Variants in SEMA3D observed in about 807,000 individuals in gnomAD.
SEMA3D encodes semaphorin-3D.
In SEMA3D, 84 loss-of-function variants were observed where a neutral mutation model predicts 100.1. That is an observed-to-expected ratio of 0.84 (90% CI 0.70 to 1.01). SEMA3D has a LOEUF of 1.01. SEMA3D is among the 50% of genes least tolerant of loss of function. SEMA3D has a pLI of 0.00. For synonymous variants in SEMA3D, 312 were observed against 320.7 expected, an observed-to-expected ratio of 0.97 and a Z score of 0.29; for missense variants, 875 against 934.1, an observed-to-expected ratio of 0.94 and a Z score of 0.82.
upstream of SEMA3D, among the ~76,000 whole-genome samples, chr7:85,188,810 T>C (rs1050200570): frequency 1.3e-5 from 2 of 152,204 alleles, no homozygotes; most frequent in African/African-American, 2.4e-5. Flanking sequence ...ATACTTTCCA[T>C]AAAGCCCTTA....
Position 84,997,258 on chromosome 7 carries a change from A to C in SEMA3D, c.*2182T>G, listed in dbSNP as rs10244778. ...CACTTGAGCTTCATGTAAATTTTCC[A>C]AAGTCATTCATATTTTGATCATTAC... On this transcript the variant is annotated 3_prime_UTR_variant, in exon 19 of 19. Transcript: ENST00000284136. 3.8e-4 allele frequency: 58 copies of C among 152,180 alleles called. No homozygotes were observed. Among genetic ancestry groups the C allele is most frequent in the African/African-American group, 1.3e-3 (55 of 41,572 alleles). 9.4% of individuals were successfully genotyped at this position (152,180 alleles called of 1,614,324 possible).
intron 4 of SEMA3D, among the ~76,000 whole-genome samples, chr7:85,084,829 C>T (rs921918746): frequency 2.0e-5 from 3 of 152,160 alleles, no homozygotes; most frequent in Admixed American, 2.0e-4. Context: ...GTATTCTCAT[C>T]AGTTAGCTCC....
rs1789561701 is a variant in SEMA3D, at chr7:84,998,426, AGTTT to A, written c.*1010_*1013del. ...TTATGTTTCCTCAGATTTTGCTAGC[AGTTT>A]GTTATAATCTAGATTTTTTTTAACA... On this transcript the variant is annotated 3_prime_UTR_variant, in exon 19 of 19. Transcript: ENST00000284136. 6.6e-6 allele frequency: 1 copy of A among 152,144 alleles called. No homozygotes were observed. The highest frequency in any genetic ancestry group is 1.5e-5 in the Non-Finnish European group (1 of 67,998). The allele number at this position is 152,144 out of a possible 1,614,324, so 9.4% of individuals were successfully genotyped here.
At chr7:85,051,612 CA>C (rs1438289657) in intron 9 of SEMA3D, among the ~76,000 whole-genome samples, 2 of 151,886 alleles carry the variant, frequency 1.3e-5, no homozygotes, top group African/African-American at 2.4e-5. Context: ...CAAGATCTGC[CA>C]GTGTACTGCT....
At chr7:85,070,598 A>G (rs1430821049) in intron 6 of SEMA3D, among the ~76,000 whole-genome samples, 1 of 152,174 alleles carries the variant, frequency 6.6e-6, no homozygotes, top group East Asian at 1.9e-4. Flanking sequence ...ACAATTTTCA[A>G]GCAGGGCTGC....
chr7:85,019,190 C>T (rs887658877), intron 14 of SEMA3D, among the ~76,000 whole-genome samples: 2 of 151,684 alleles, frequency 1.3e-5, no homozygotes, highest in African/African-American at 4.8e-5. Flanking sequence ...AAAAGCTGGT[C>T]ATTTATGTAA....
At chr7:85,012,437 T>C (rs1789981443) in intron 17 of SEMA3D, among the ~76,000 whole-genome samples, 1 of 151,822 alleles carries the variant, frequency 6.6e-6, no homozygotes, top group African/African-American at 2.4e-5. Flanking sequence ...TCTATTTGAG[T>C]TTACTCTAAA....
intron 4 of SEMA3D, 52 bp from the exon 5 acceptor site, chr7:85,081,631 C>T (rs1182902103): frequency 1.7e-6 from 2 of 1,210,932 alleles, no homozygotes; most frequent in Admixed American, 1.7e-5. Flanking sequence ...AACACCCTAA[C>T]ACTCTGCAAT....
chr7:85,204,965 T>C, the SEMA3D span, among the ~76,000 whole-genome samples: 781 of 152,280 alleles, frequency 5.1e-3, 20 homozygotes, highest in Admixed American at 0.039. Context: ...GTTTTCTTTT[T>C]GGTAAAAGTC....
At chr7:85,081,625 C>T (rs148051609) in intron 4 of SEMA3D, 46 bp from the exon 5 acceptor site, 366 of 1,264,006 alleles carry the variant, frequency 2.9e-4, no homozygotes, top group Middle Eastern at 1.3e-3. Flanking sequence ...ATCTGAAACA[C>T]CCTAACACTC....
intron 8 of SEMA3D, among the ~76,000 whole-genome samples, chr7:85,061,754 A>G (rs1791484500): frequency 6.6e-6 from 1 of 152,164 alleles, no homozygotes; most frequent in Non-Finnish European, 1.5e-5. Flanking sequence ...ACTCTGCCCT[A>G]GTTTCTGTGG....
At chr7:85,144,622 C>A (rs1234678048) in intron 2 of SEMA3D, 18 of 984,096 alleles carry the variant, frequency 1.8e-5, no homozygotes, top group Non-Finnish European at 2.2e-5. Context: ...CACATATATA[C>A]ATTTTTTCCT....
intron 2 of SEMA3D, among the ~76,000 whole-genome samples, chr7:85,149,393 A>G (rs1790301271): frequency 6.6e-6 from 1 of 152,180 alleles, no homozygotes; most frequent in East Asian, 1.9e-4. Context: ...GGTTGCAGTG[A>G]GCCAAGATCG....
chr7:85,081,512 CTTACAT>C lies in SEMA3D; in HGVS notation c.374_375+4del, dbSNP rs1788063668. 1 of 1,591,226 alleles carries C rather than the reference CTTACAT, an allele frequency of 6.3e-7. No homozygotes were observed. The highest frequency in any genetic ancestry group is 2.2e-5 in the East Asian group (1 of 44,706). On this transcript the variant is annotated splice_donor_variant and splice_donor_region_variant and coding_sequence_variant and intron_variant, in exon 5 of 19. Coordinates refer to ENST00000284136, the MANE Select transcript of SEMA3D (RefSeq NM_001384900.1). LOFTEE classifies it high-confidence loss of function. ...CAAAGATAATTGTTACAGTTTCATA[CTTACAT>C]TGGCATCTTTCCCAGCTAATTTACA...
At chr7:85,082,802 G>A (rs1788103429) in intron 4 of SEMA3D, among the ~76,000 whole-genome samples, 1 of 152,190 alleles carries the variant, frequency 6.6e-6, no homozygotes, top group African/African-American at 2.4e-5. Context: ...TTAAACCGGA[G>A]CAAGATTGTT....
At chr7:85,113,525 T>C (rs200228520) in intron 3 of SEMA3D, among the ~76,000 whole-genome samples, 6 of 150,334 alleles carry the variant, frequency 4.0e-5, no homozygotes, top group African/African-American at 1.5e-4. Context: ...GTAATCCCAG[T>C]ACTTTGGGAG....
chr7:85,007,321 G>T (rs2115750346), intron 17 of SEMA3D, among the ~76,000 whole-genome samples: 1 of 151,626 alleles, frequency 6.6e-6, no homozygotes, highest in African/African-American at 2.4e-5. Flanking sequence ...AGATAGTTCT[G>T]GAGGGGCAGT....
chr7:85,124,654 C>T (rs1242091905), intron 2 of SEMA3D, among the ~76,000 whole-genome samples: 1 of 152,028 alleles, frequency 6.6e-6, no homozygotes, highest in African/African-American at 2.4e-5. Flanking sequence ...ACTGGAAAAG[C>T]AAACAGAGAC....
At chr7:85,001,736 T>C (rs1789661000) in intron 18 of SEMA3D, among the ~76,000 whole-genome samples, 1 of 152,134 alleles carries the variant, frequency 6.6e-6, no homozygotes, top group Non-Finnish European at 1.5e-5. Flanking sequence ...CAAAGCTCTT[T>C]GAAGGTTAAA....
Sources: gnomAD v4.1 joint callset for allele counts (sites outside exome capture counted in the v4.1 genomes callset) on GRCh38, gnomAD v4.1.1 for gene constraint, MANE v1.5 for transcripts, NCBI Gene and HGNC (gene_info 2026-07-23, HGNC 2026-07-21) for gene names.